Variants in CA10 observed in about 807,000 individuals in gnomAD.
CA10 encodes carbonic anhydrase-related protein 10.
In CA10, 14 loss-of-function variants were observed where a neutral mutation model predicts 44.2. The observed-to-expected ratio is 0.32, with a 90% CI of 0.21 to 0.50. The LOEUF is 0.50. Ranked by LOEUF, CA10 falls within the 20% of genes least tolerant of loss-of-function variation. The probability of loss-of-function intolerance (pLI) is 0.99; values close to 1 mark genes in which losing one functional copy is unlikely to be tolerated. For synonymous variants in CA10, 159 were observed against 141.6 expected (o/e 1.12, Z -0.87); for missense variants, 350 against 409.7 (o/e 0.85, Z 1.26).
chr17:52,058,280 A>G (rs897432205), intron 2 of CA10, among the ~76,000 whole-genome samples: 1 of 152,176 alleles, frequency 6.6e-6, no homozygotes, highest in Non-Finnish European at 1.5e-5. Context: ...AAATTATAAT[A>G]ATAAAAATCG....
At chr17:51,694,067 G>T (rs906468087) in intron 4 of CA10, among the ~76,000 whole-genome samples, 35 of 152,108 alleles carry the variant, frequency 2.3e-4, no homozygotes, top group African/African-American at 8.0e-4. Context: ...AGCTAGGCGT[G>T]GTGGTGCATG....
chr17:52,092,329 C>T lies in CA10; in HGVS notation c.62-19936G>A, dbSNP rs149827524. ...ATTTAATTCAAGCCATTCAGCAATC[C>T]TAAGAGGAGGAAAAACGTTTTTAAG... On this transcript the variant is annotated intron_variant, in intron 1 of 8. Coordinates refer to ENST00000451037, the MANE Select transcript of CA10 (RefSeq NM_020178.5). Among the ~76,000 whole-genome samples, 100 of 152,240 alleles carry T rather than the reference C, an allele frequency of 6.6e-4. 1 individual carries two copies. Among genetic ancestry groups the T allele is most frequent in the Middle Eastern group, 6.8e-3 (2 of 292 alleles).
At chr17:52,034,960 T>A (rs1490516763) in intron 2 of CA10, among the ~76,000 whole-genome samples, 2 of 152,110 alleles carry the variant, frequency 1.3e-5, no homozygotes, top group African/African-American at 4.8e-5. Context: ...CAATCAGAGA[T>A]ATCACACTGG....
intron 3 of CA10, among the ~76,000 whole-genome samples, chr17:51,837,918 T>C (rs1021288090): frequency 1.3e-5 from 2 of 152,196 alleles, no homozygotes; most frequent in Non-Finnish European, 2.9e-5. Flanking sequence ...AAGGGCAAAT[T>C]TGGATGATGA....
intron 4 of CA10, among the ~76,000 whole-genome samples, chr17:51,665,392 C>T (rs866475119): frequency 6.6e-6 from 1 of 152,080 alleles, no homozygotes; most frequent in Non-Finnish European, 1.5e-5. Context: ...AGTCACTGCT[C>T]CCTTTTAGAC....
At chr17:52,151,733 AT>A (rs1160509352) in intron 1 of CA10, among the ~76,000 whole-genome samples, 3 of 152,146 alleles carry the variant, frequency 2.0e-5, no homozygotes, top group Non-Finnish European at 4.4e-5. Context: ...AGCAACTTCA[AT>A]TTACTGAATG....
At chr17:51,821,752 C>G (rs939265962) in intron 3 of CA10, among the ~76,000 whole-genome samples, 1 of 152,096 alleles carries the variant, frequency 6.6e-6, no homozygotes, top group Non-Finnish European at 1.5e-5. Context: ...CTACCTTCCA[C>G]TTATACCTGA....
intron 1 of CA10, among the ~76,000 whole-genome samples, chr17:52,093,555 C>A (rs1988324077): frequency 6.6e-6 from 1 of 152,160 alleles, no homozygotes; most frequent in East Asian, 1.9e-4. Context: ...GGTTTTTAAT[C>A]ATCACTTAAC....
At chr17:51,994,737 A>T (rs901285956) in intron 2 of CA10, among the ~76,000 whole-genome samples, 2 of 152,070 alleles carry the variant, frequency 1.3e-5, no homozygotes, top group East Asian at 3.9e-4. Context: ...AAAATTTATT[A>T]AAAATTATAG....
At chr17:51,839,906 C>T (rs1978305187) in intron 3 of CA10, among the ~76,000 whole-genome samples, 1 of 152,162 alleles carries the variant, frequency 6.6e-6, no homozygotes, top group Non-Finnish European at 1.5e-5. Flanking sequence ...CGGTGTCAGA[C>T]ATTGTTGCAA....
intron 2 of CA10, among the ~76,000 whole-genome samples, chr17:51,960,264 G>C (rs1983838032): frequency 6.6e-6 from 1 of 151,982 alleles, no homozygotes; most frequent in South Asian, 2.1e-4. Flanking sequence ...TATGAGCAGA[G>C]CCTCAGGGAC....
intron 2 of CA10, among the ~76,000 whole-genome samples, chr17:51,995,120 A>G (rs1985186621): frequency 6.6e-6 from 1 of 152,090 alleles, no homozygotes; most frequent in Admixed American, 6.6e-5. Flanking sequence ...GAAAGAGAAT[A>G]AAACTGATAA....
intron 2 of CA10, among the ~76,000 whole-genome samples, chr17:51,971,184 C>CAG (rs1984267594): frequency 6.6e-6 from 1 of 152,024 alleles, no homozygotes; most frequent in Non-Finnish European, 1.5e-5. Context: ...TCCATATTTC[C>CAG]ATGAGGAGTG....
chr17:51,777,670 G>A (rs781068129), intron 3 of CA10, among the ~76,000 whole-genome samples: 6 of 152,198 alleles, frequency 3.9e-5, no homozygotes, highest in Non-Finnish European at 8.8e-5. Context: ...TAGGCCAGGC[G>A]CAGGGGTTCA....
chr17:51,980,616 G>T (rs926327491), intron 2 of CA10, among the ~76,000 whole-genome samples: 2 of 152,096 alleles, frequency 1.3e-5, no homozygotes, highest in Non-Finnish European at 2.9e-5. Flanking sequence ...GGATGGTATT[G>T]CCTAGGTTGT....
chr17:51,722,136 G>C, intron 4 of CA10, among the ~76,000 whole-genome samples: 1 of 152,158 alleles, frequency 6.6e-6, no homozygotes, highest in East Asian at 1.9e-4. Flanking sequence ...AGAACCGTCA[G>C]CTGGTGTTTG....
At chr17:51,986,805 CA>C (rs1297887749) in intron 2 of CA10, among the ~76,000 whole-genome samples, 1 of 151,714 alleles carries the variant, frequency 6.6e-6, no homozygotes, top group East Asian at 1.9e-4. Context: ...AACCACAATG[CA>C]ATACCACCTT....
At chr17:52,077,612 C>G (rs1050833313) in intron 1 of CA10, among the ~76,000 whole-genome samples, 1 of 145,498 alleles carries the variant, frequency 6.9e-6, no homozygotes, top group Non-Finnish European at 1.5e-5. Flanking sequence ...CTGTTTCTTA[C>G]TTAAATGTTC....
chr17:51,875,498 A>G (rs8073930), intron 3 of CA10, among the ~76,000 whole-genome samples: 21,086 of 152,172 alleles, frequency 0.14, 2,030 homozygotes, highest in African/African-American at 0.28. Flanking sequence ...GTCCTTCTTC[A>G]TGTGGAGGCA....
Sources: allele counts gnomAD v4.1 joint callset (sites outside exome capture counted in the v4.1 genomes callset), GRCh38; gene constraint gnomAD v4.1.1; transcripts MANE v1.5; gene names NCBI Gene and HGNC (gene_info 2026-07-23, HGNC 2026-07-21).